Variants in CACNA2D1 observed in about 807,000 individuals in gnomAD.
The protein encoded by CACNA2D1 is voltage-dependent calcium channel subunit alpha-2/delta-1.
Under a neutral mutation model 171.5 loss-of-function variants are expected in CACNA2D1, and 53 were observed. The observed-to-expected ratio is 0.31, with a 90% CI of 0.25 to 0.39. The LOEUF (loss-of-function observed/expected upper bound fraction) is 0.39, where lower values mean the gene tolerates loss of function less well. CACNA2D1 is among the 10% of genes least tolerant of loss of function. The pLI, the probability that CACNA2D1 is intolerant of heterozygous loss-of-function variation, is 1.00. For missense variants in CACNA2D1, 903 were observed against 1,299.8 expected, an observed-to-expected ratio of 0.69 and a Z score of 4.69; for synonymous variants, 442 against 443.1, an observed-to-expected ratio of 1.00 and a Z score of 0.03.
At chr7:82,148,080 T>C (rs1458339924) in intron 4 of CACNA2D1, among the ~76,000 whole-genome samples, 1 of 152,124 alleles carries the variant, frequency 6.6e-6, no homozygotes, top group Non-Finnish European at 1.5e-5. Context: ...TTAGGCACAG[T>C]AAGAGATTAA....
chr7:82,089,845 T>C (rs538898968), intron 6 of CACNA2D1, among the ~76,000 whole-genome samples: 4 of 152,040 alleles, frequency 2.6e-5, no homozygotes, highest in African/African-American at 4.8e-5. Context: ...CCCTCTTAAG[T>C]TTGAATTAAG....
At chr7:82,071,932 A>C (rs1295945882) in intron 7 of CACNA2D1, among the ~76,000 whole-genome samples, 2 of 152,206 alleles carry the variant, frequency 1.3e-5, no homozygotes, top group Non-Finnish European at 2.9e-5. Context: ...CATTTTAATC[A>C]GACAGATGAG....
intron 3 of CACNA2D1, among the ~76,000 whole-genome samples, chr7:82,285,036 A>AAAATCCCAAGGCCCTGC (rs1466426964): frequency 2.6e-5 from 4 of 152,136 alleles, no homozygotes; most frequent in Non-Finnish European, 5.9e-5. Context: ...CGGGGCGATG[A>AAAATCCCAAGGCCCTGC]AAATCCCAAG....
At chr7:82,208,601 T>G (rs1026440909) in intron 3 of CACNA2D1, among the ~76,000 whole-genome samples, 15 of 152,176 alleles carry the variant, frequency 9.9e-5, no homozygotes, top group Non-Finnish European at 2.1e-4. Context: ...AATTTGCTTC[T>G]GTAACTCTTG....
In CACNA2D1 at chr7:82,013,526, A is replaced by G; in HGVS notation, c.1223-16T>C. ...TAATAATAACCTGAAATATACATAT[A>G]TGTTTTTATACATAAATGTTACTTT... is the stretch of plus-strand genomic sequence containing the variant. On this transcript the variant is annotated splice_polypyrimidine_tract_variant and intron_variant, in intron 13 of 38. Transcript: ENST00000356860. 1.1e-6 allele frequency: 1 copy of G among 892,122 alleles called. No individual in the cohort carries two copies. Among genetic ancestry groups the G allele is most frequent in the Non-Finnish European group, 1.6e-6 (1 of 632,710 alleles). 55.3% of individuals were successfully genotyped at this position (892,122 alleles called of 1,614,324 possible).
chr7:82,412,906 C>T (rs868274592), intron 1 of CACNA2D1, among the ~76,000 whole-genome samples: 3 of 151,924 alleles, frequency 2.0e-5, no homozygotes, highest in Admixed American at 6.6e-5. Context: ...AGAAACATTT[C>T]CCGTTATTTT....
chr7:82,049,698 A>C (rs1804978589), intron 10 of CACNA2D1, among the ~76,000 whole-genome samples: 1 of 152,140 alleles, frequency 6.6e-6, no homozygotes. Flanking sequence ...ATTTGTACCC[A>C]TTGCTTAACA....
intron 15 of CACNA2D1, among the ~76,000 whole-genome samples, chr7:82,011,012 A>T (rs1410875478): frequency 6.6e-6 from 1 of 152,198 alleles, no homozygotes; most frequent in African/African-American, 2.4e-5. Context: ...AAGTGCGATG[A>T]TTATTATTTA....
chr7:82,301,405 G>A (rs925464079), intron 3 of CACNA2D1, among the ~76,000 whole-genome samples: 12 of 152,064 alleles, frequency 7.9e-5, no homozygotes, highest in African/African-American at 1.7e-4. Flanking sequence ...GATTATAAGC[G>A]TGAGCCACCG....
intron 10 of CACNA2D1, among the ~76,000 whole-genome samples, chr7:82,042,525 TC>T (rs376186661): frequency 7.4e-4 from 112 of 152,256 alleles, no homozygotes; most frequent in African/African-American, 2.6e-3. Context: ...TCACATTGAT[TC>T]CTTTTCCAAT....
intron 3 of CACNA2D1, among the ~76,000 whole-genome samples, chr7:82,279,732 A>G (rs574407237): frequency 2.0e-4 from 30 of 152,156 alleles, no homozygotes; most frequent in African/African-American, 7.0e-4. Context: ...TTAATAACTG[A>G]TCTGTTGTTA....
At chr7:82,005,381 T>C in intron 18 of CACNA2D1, 42 bp downstream of exon 18, 1 of 1,165,078 alleles carries the variant, frequency 8.6e-7, no homozygotes, top group Non-Finnish European at 1.3e-6. Context: ...TAATCATTAA[T>C]TCTACAAAAC....
intron 1 of CACNA2D1, among the ~76,000 whole-genome samples, chr7:82,425,142 A>G (rs1226085931): frequency 6.6e-6 from 1 of 152,176 alleles, no homozygotes; most frequent in Non-Finnish European, 1.5e-5. Flanking sequence ...TGAATCAAAA[A>G]AGGGAGTATA....
chr7:82,106,719 T>C (rs986186222), intron 6 of CACNA2D1, among the ~76,000 whole-genome samples: 9 of 152,166 alleles, frequency 5.9e-5, no homozygotes, highest in African/African-American at 2.2e-4. Flanking sequence ...AATCTAGTAT[T>C]GTAAAATACT....
intron 5 of CACNA2D1, among the ~76,000 whole-genome samples, chr7:82,132,388 G>A (rs1231458139): frequency 6.6e-6 from 1 of 152,120 alleles, no homozygotes; most frequent in East Asian, 1.9e-4. Flanking sequence ...TGTTAGTTGG[G>A]TATGTACACA....
intron 3 of CACNA2D1, among the ~76,000 whole-genome samples, chr7:82,213,888 A>C (rs1365696099): frequency 3.3e-5 from 5 of 152,018 alleles, no homozygotes. Flanking sequence ...AATACCACAA[A>C]CTGGGTAGCT....
intron 6 of CACNA2D1, among the ~76,000 whole-genome samples, chr7:82,093,406 A>C (rs1486454516): frequency 1.3e-5 from 2 of 152,108 alleles, no homozygotes; most frequent in African/African-American, 4.8e-5. Context: ...ATCTTGATAA[A>C]TTCTGATCTG....
chr7:82,324,786 G>A (rs1816440481), intron 3 of CACNA2D1, among the ~76,000 whole-genome samples: 1 of 152,062 alleles, frequency 6.6e-6, no homozygotes, highest in Non-Finnish European at 1.5e-5. Flanking sequence ...AATTCTGATA[G>A]CCTATTATTT....
At chr7:82,392,660 C>T (rs772654474) in intron 1 of CACNA2D1, among the ~76,000 whole-genome samples, 7 of 152,030 alleles carry the variant, frequency 4.6e-5, no homozygotes, top group African/African-American at 7.2e-5. Context: ...AAAGTGGCCA[C>T]GAAAAATCCT....
Sources: allele counts gnomAD v4.1 joint callset (sites outside exome capture counted in the v4.1 genomes callset), GRCh38; gene constraint gnomAD v4.1.1; transcripts MANE v1.5; gene names NCBI Gene and HGNC (gene_info 2026-07-23, HGNC 2026-07-21).